Variants in SPATA31E1 observed in about 807,000 individuals in gnomAD.
SPATA31E1 encodes the protein spermatogenesis-associated protein 31E1.
Under a neutral mutation model 12.9 loss-of-function variants are expected in SPATA31E1, and 7 were observed. That is an observed-to-expected ratio of 0.54 (90% CI 0.31 to 1.02). The LOEUF (loss-of-function observed/expected upper bound fraction) is 1.02. Among genes scored for constraint, SPATA31E1 ranks in the 50% least tolerant of loss-of-function variants. The pLI, the probability that SPATA31E1 is intolerant of heterozygous loss-of-function variation, is 0.05. For missense variants in SPATA31E1, 1,961 were observed against 1,799.8 expected (o/e 1.09, Z -1.62); for synonymous variants, 771 against 719.0 (o/e 1.07, Z -1.16).
chr9:87,883,902 T>A, intron 1 of SPATA31E1, 90 bp from the exon 2 acceptor site: 1 of 1,400,682 alleles, frequency 7.1e-7, no homozygotes, highest in Non-Finnish European at 9.9e-7. Flanking sequence ...CTGAGAGCCG[T>A]GTCCCTCATG....
chr9:87,887,471 C>G lies in SPATA31E1; in HGVS notation c.2984C>G (p.Ala995Gly). 6.2e-7 allele frequency: 1 copy of G among 1,613,898 alleles called. No individual in the cohort carries two copies. Among genetic ancestry groups the G allele is most frequent in the Non-Finnish European group, 8.5e-7 (1 of 1,180,038 alleles). Residue 995 changes from alanine to glycine, a missense_variant, in exon 4 of 4, where the codon GCT (alanine) becomes GGT (glycine). By Grantham distance (60) the Ala-to-Gly change is moderately conservative. Transcript: ENST00000325643. The stretch of plus-strand genomic sequence containing the variant: ...GAGGGGAGTATGGGTTCAGAAATGG[C>G]TGGGAACGAGGCATGGCTTGAGAGT... ...RLEGSMGSEM[A>G]GNEAWLESES...
In SPATA31E1 at chr9:87,887,029, TG is replaced by T. The variant is rs1190512752; in HGVS notation, c.2546del (p.Gly849ValfsTer10). 6.2e-7 allele frequency: 1 copy of T among 1,613,986 alleles called. No individual in the cohort carries two copies. Among genetic ancestry groups the T allele is most frequent in the African/African-American group, 1.3e-5 (1 of 74,928 alleles). On this transcript the variant is annotated frameshift_variant, in exon 4 of 4. Transcript: ENST00000325643. LOFTEE classifies it low-confidence loss of function (END_TRUNC). ...HLVRFCVRHS[W>X]GTDLQSLEPI... ...TGTAAGGTTCTGTGTGAGGCACAGC[TG>T]GGGTACAGACCTCCAGTCCCTGGAG...
Position 87,885,266 on chromosome 9 carries a change from A to C in SPATA31E1, c.779A>C (p.Asp260Ala), listed in dbSNP as rs1370641443. Reference sequence around the variant, plus strand: ...CTGGCCTCCTCTCCACCTCCACCCGACTCCAGCCTGGCTGGACTTCAGTGT... The same window carrying C: ...CTGGCCTCCTCTCCACCTCCACCCGCCTCCAGCCTGGCTGGACTTCAGTGT... ...GPLASSPPPP[D>A]SSLAGLQCGS... Residue 260 changes from aspartate to alanine, a missense_variant, in exon 4 of 4, where the codon GAC becomes GCC. Coordinates refer to ENST00000325643, the MANE Select transcript of SPATA31E1 (RefSeq NM_178828.5). 1 of 1,612,840 alleles carries C rather than the reference A, an allele frequency of 6.2e-7. No individual in the cohort carries two copies.
In SPATA31E1 at chr9:87,886,264, A is replaced by G. The variant is rs751613604; in HGVS notation, c.1777A>G (p.Ser593Gly). 2.5e-6 allele frequency: 4 copies of G among 1,613,714 alleles called. No homozygotes were observed. Among genetic ancestry groups the G allele is most frequent in the Admixed American group, 1.7e-5 (1 of 59,996 alleles). ...SLLKKSQAVL[S>G]QPTAHLPQER... ...CCTCAAAAAGTCTCAGGCTGTTCTG[A>G]GCCAGCCCACTGCCCACCTTCCCCA... Residue 593 changes from serine (S) to glycine (G), a missense_variant, in exon 4 of 4, where the codon AGC becomes GGC. Physicochemically the swap from Ser to Gly is moderately conservative, Grantham distance 56. Coordinates refer to ENST00000325643, the MANE Select transcript of SPATA31E1 (RefSeq NM_178828.5).
Position 87,887,684 on chromosome 9 carries a change from G to C in SPATA31E1, c.3197G>C (p.Ser1066Thr). ...GGAAGTGTTCAGGAGGATCTGAGGA[G>C]CACAGGGGCTCTGGGGACCACTGGT... is the stretch of plus-strand genomic sequence containing the variant. ...SSGSVQEDLR[S>T]TGALGTTGNP... is the part of the protein sequence containing the mutation. The change falls in exon 4 of 4, where the codon AGC (serine) becomes ACC (threonine). Residue 1066 changes from serine (S) to threonine (T), a missense_variant. Ser to Thr is a moderately conservative substitution (Grantham distance 58, BLOSUM62 1). Transcript: ENST00000325643. 1 of 1,614,142 alleles carries C rather than the reference G, an allele frequency of 6.2e-7. No individual in the cohort carries two copies. Among genetic ancestry groups the C allele is most frequent in the South Asian group, 1.1e-5 (1 of 91,092 alleles).
Position 87,886,613 on chromosome 9 carries a change from G to A in SPATA31E1, c.2126G>A (p.Gly709Glu), listed in dbSNP as rs1828279511. 2 of 1,614,032 alleles carry A rather than the reference G, an allele frequency of 1.2e-6. No homozygotes were observed. Among genetic ancestry groups the A allele is most frequent in the African/African-American group, 2.7e-5 (2 of 75,018 alleles). The change falls in exon 4 of 4, where the codon GGG becomes GAG. Residue 709 changes from glycine to glutamate, a missense_variant. Coordinates refer to ENST00000325643, the MANE Select transcript of SPATA31E1 (RefSeq NM_178828.5). ...SGRFSDKGCLGSKLGPDPSRD... is the reference protein window; with the variant it reads ...SGRFSDKGCLESKLGPDPSRD... ...AGGTTCTCTGACAAGGGGTGCTTAG[G>A]GTCCAAACTAGGGCCGGACCCAAGC...
chr9:87,887,067 C>G lies in SPATA31E1; in HGVS notation c.2580C>G (p.Val860=), dbSNP rs1241379268. 1 of 1,614,122 alleles carries G rather than the reference C, an allele frequency of 6.2e-7. No individual in the cohort carries two copies. The part of the protein sequence containing the change: ...TDLQSLEPIN[V]WSGEAQAPPF... ...TCCAGTCCCTGGAGCCCATAAATGT[C>G]TGGTCAGGTGAGGCTCAGGCCCCGC... Residue 860 remains valine (V), a synonymous_variant, in exon 4 of 4, where the codon GTC becomes GTG. Coordinates refer to ENST00000325643, the MANE Select transcript of SPATA31E1 (RefSeq NM_178828.5).
rs764895220 is a variant in SPATA31E1 at position 87,882,953 on chromosome 9, GGATTCCA to G, written c.63_69del (p.Arg21SerfsTer27). ...GCAGGCAGGGTTGAGAGTGGGCAGA[GGATTCCA>G]CCCCCAGCTCCCAGACCATCTGTGG... On this transcript the variant is annotated frameshift_variant, in exon 1 of 4. Transcript: ENST00000325643. LOFTEE classifies it high-confidence loss of function. The G allele has an allele frequency of 3.1e-6, 5 of 1,613,174 alleles. No individual in the cohort carries two copies. Among genetic ancestry groups the G allele is most frequent in the Non-Finnish European group, 4.2e-6 (5 of 1,179,982 alleles).
chr9:87,886,314 C>T lies in SPATA31E1; in HGVS notation c.1827C>T (p.Pro609=). Residue 609 remains proline (P), a synonymous_variant, in exon 4 of 4, where the codon CCC becomes CCT. Coordinates refer to ENST00000325643, the MANE Select transcript of SPATA31E1 (RefSeq NM_178828.5). ...LPQERPASWS[P]KSAPILPGVV... ...AAGAGAGGCCGGCCTCCTGGAGCCC[C>T]AAGTCAGCCCCCATCCTTCCCGGGG... 6.2e-7 allele frequency: 1 copy of T among 1,613,650 alleles called. No homozygotes were observed. The highest frequency in any genetic ancestry group is 1.1e-5 in the South Asian group (1 of 91,048).
rs1410567823 is a variant in SPATA31E1 at position 87,883,062 on chromosome 9, G to A, written c.171G>A (p.Leu57=). 3.1e-6 allele frequency: 5 copies of A among 1,613,266 alleles called. No individual in the cohort carries two copies. Among genetic ancestry groups the A allele is most frequent in the Non-Finnish European group, 4.2e-6 (5 of 1,179,876 alleles). ...FPLKSPSATW[L]SPSSTPWMMD... ...TGAAGAGCCCTAGTGCCACATGGCT[G>A]AGCCCTAGCTCCACTCCCTGGATGA... Residue 57 remains leucine (L), a synonymous_variant, in exon 1 of 4, where the codon CTG becomes CTA. Transcript: ENST00000325643.
Position 87,886,880 on chromosome 9 carries a change from A to G in SPATA31E1, c.2393A>G (p.Lys798Arg). 6.2e-7 allele frequency: 1 copy of G among 1,614,132 alleles called. No individual in the cohort carries two copies. Among genetic ancestry groups the G allele is most frequent in the Non-Finnish European group, 8.5e-7 (1 of 1,180,022 alleles). Residue 798 changes from lysine (K) to arginine (R), a missense_variant, in exon 4 of 4, where the codon AAG (lysine) becomes AGG (arginine). By Grantham distance (26) the Lys-to-Arg change is conservative. Coordinates refer to ENST00000325643, the MANE Select transcript of SPATA31E1 (RefSeq NM_178828.5). ...CTCATGGCCAAATGTGCTGTTCCCA[A>G]GTCTGACACCCACAGGAAACCTGGG... ...SWLMAKCAVP[K>R]SDTHRKPGKL...
rs1473136571 is a variant in SPATA31E1, at chr9:87,886,201, A to G, written c.1714A>G (p.Lys572Glu). Reference sequence around the variant, plus strand: ...AAAGGAGTATCTTGAATGGCCCTTGAAGAAGCGACCAAAGTGGAAGAGGGT... The same window carrying G: ...AAAGGAGTATCTTGAATGGCCCTTGGAGAAGCGACCAAAGTGGAAGAGGGT... The part of the protein sequence containing the change: ...TGKEYLEWPL[K>E]KRPKWKRVLP... Residue 572 changes from lysine (K) to glutamate (E), a missense_variant, in exon 4 of 4, where the codon AAG becomes GAG. Coordinates refer to ENST00000325643, the MANE Select transcript of SPATA31E1 (RefSeq NM_178828.5). The G allele has an allele frequency of 6.2e-7, 1 of 1,613,042 alleles. No homozygotes were observed. The highest frequency in any genetic ancestry group is 8.5e-7 in the Non-Finnish European group (1 of 1,179,532).
chr9:87,884,771 A>G, intron 3 of SPATA31E1, 120 bp downstream of exon 3: 1 of 1,500,906 alleles, frequency 6.7e-7, no homozygotes, highest in Non-Finnish European at 9.2e-7. Flanking sequence ...AGGGGACTGA[A>G]GCCCTGGGGC....
At chr9:87,884,850 C>T (rs952285898) in intron 3 of SPATA31E1, 63 bp from the exon 4 acceptor site, 5 of 1,535,594 alleles carry the variant, frequency 3.3e-6, no homozygotes, top group Non-Finnish European at 4.4e-6. Context: ...CAGGTGCCCA[C>T]CCGTCCCAGC....
At position 87,887,758 on chromosome 9, in the gene SPATA31E1, C is replaced by T. The variant is rs780780329; in HGVS notation, c.3271C>T (p.His1091Tyr). 1.9e-6 allele frequency: 3 copies of T among 1,614,010 alleles called. No homozygotes were observed. Among genetic ancestry groups the T allele is most frequent in the Non-Finnish European group, 1.7e-6 (2 of 1,180,012 alleles). ...TGTTGCTCAGGATCCAGAGCAGCTG[C>T]ACCTGAAAGCGCAGGTGGTCAGTGA... The part of the protein sequence containing the change: ...VCVAQDPEQL[H>Y]LKAQVVSEIA... Residue 1091 changes from histidine (H) to tyrosine (Y), a missense_variant, in exon 4 of 4, where the codon CAC becomes TAC. Coordinates refer to ENST00000325643, the MANE Select transcript of SPATA31E1 (RefSeq NM_178828.5).
In SPATA31E1 at chr9:87,886,396, C is replaced by T. The variant is rs1828274727; in HGVS notation, c.1909C>T (p.Gln637Ter). The T allele has an allele frequency of 6.2e-7, 1 of 1,613,658 alleles. No individual in the cohort carries two copies. Among genetic ancestry groups the T allele is most frequent in the African/African-American group, 1.3e-5 (1 of 74,894 alleles). ...GTGGCAAGGAAGGAATGCCATCCAC[C>T]AGGAGCAGTCCTGTGGCCCTCCCAG... Reference protein sequence around the residue: ...HWWQGRNAIHQEQSCGPPSRL... With the variant: ...HWWQGRNAIH Residue 637 changes from glutamine to a stop codon, truncating the protein, a stop_gained, in exon 4 of 4, where the codon CAG (glutamine) becomes TAG (stop). Coordinates refer to ENST00000325643, the MANE Select transcript of SPATA31E1 (RefSeq NM_178828.5). LOFTEE classifies it low-confidence loss of function (END_TRUNC).
chr9:87,886,020 C>A lies in SPATA31E1; in HGVS notation c.1533C>A (p.Pro511=). 1.2e-6 allele frequency: 2 copies of A among 1,613,098 alleles called. No homozygotes were observed. Among genetic ancestry groups the A allele is most frequent in the Non-Finnish European group, 1.7e-6 (2 of 1,179,612 alleles). Residue 511 remains proline (P), a synonymous_variant, in exon 4 of 4, where the codon CCC becomes CCA. Coordinates refer to ENST00000325643, the MANE Select transcript of SPATA31E1 (RefSeq NM_178828.5). ...CCCAACATTTCACTCCAGCCTGGCC[C>A]CAGTCCCAGCCCCCACCTTTGGCTG... ...AQPQHFTPAW[P]QSQPPPLAEI...
At position 87,883,076 on chromosome 9, in the gene SPATA31E1, C is replaced by T; in HGVS notation, c.185C>T (p.Thr62Ile). 6.2e-7 allele frequency: 1 copy of T among 1,612,640 alleles called. No homozygotes were observed. Residue 62 changes from threonine to isoleucine, a missense_variant, in exon 1 of 4, where the codon ACT becomes ATT. Transcript: ENST00000325643. ...GCCACATGGCTGAGCCCTAGCTCCA[C>T]TCCCTGGATGATGGATTTCATCCTC... ...PSATWLSPSS[T>I]PWMMDFILTS...
rs1208047420 is a variant in SPATA31E1 at position 87,886,418 on chromosome 9, C to T, written c.1931C>T (p.Pro644Leu). Residue 644 changes from proline (P) to leucine (L), a missense_variant, in exon 4 of 4, where the codon CCC becomes CTC. Pro to Leu is a moderately conservative substitution (Grantham distance 98). Transcript: ENST00000325643. Reference sequence around the variant, plus strand: ...CACCAGGAGCAGTCCTGTGGCCCTCCCAGCAGATTGCAGGCATCTGGGGAC... The same window carrying T: ...CACCAGGAGCAGTCCTGTGGCCCTCTCAGCAGATTGCAGGCATCTGGGGAC... ...AIHQEQSCGP[P>L]SRLQASGDLL... The T allele has an allele frequency of 6.2e-7, 1 of 1,613,802 alleles. No individual in the cohort carries two copies. Among genetic ancestry groups the T allele is most frequent in the East Asian group, 2.2e-5 (1 of 44,868 alleles).
Sources: allele counts gnomAD v4.1 joint callset, GRCh38; gene constraint gnomAD v4.1.1; transcripts MANE v1.5; gene names NCBI Gene and HGNC (gene_info 2026-07-23, HGNC 2026-07-21).